FABP12: variants seen among roughly 807,000 people sequenced by gnomAD.
FABP12 encodes fatty acid binding protein 12.
A neutral mutation model predicts 13.7 loss-of-function variants in FABP12; 19 were observed. That is an observed-to-expected ratio of 1.39 (90% CI 0.97 to 2.04). The LOEUF is 2.04. Ranked by LOEUF, FABP12 falls within the 30% of genes most tolerant of loss-of-function variation. The pLI is 0.00. For missense variants in FABP12, 182 were observed against 164.2 expected, an observed-to-expected ratio of 1.11 and a Z score of -0.59; for synonymous variants, 61 against 57.0, an observed-to-expected ratio of 1.07 and a Z score of -0.32.
intron 2 of FABP12, among the ~76,000 whole-genome samples, chr8:81,530,177 C>T (rs142454842): frequency 1.5e-3 from 233 of 152,266 alleles, no homozygotes; most frequent in African/African-American, 5.1e-3. Context: ...GTGCAAGCAT[C>T]ACCATTATTT....
intron 1 of FABP12, among the ~76,000 whole-genome samples, chr8:81,586,585 A>G (rs1351591232): frequency 6.6e-6 from 1 of 152,118 alleles, no homozygotes. Context: ...GCATTTCCCT[A>G]ATGATTAGTG....
chr8:81,580,997 C>G (rs1473955889), intron 1 of FABP12, among the ~76,000 whole-genome samples: 1 of 152,200 alleles, frequency 6.6e-6, no homozygotes, highest in Admixed American at 6.5e-5. Flanking sequence ...TTCTCTTACT[C>G]TCAGGGGAGA....
At chr8:81,536,604 A>T (rs999702498), upstream of FABP12, among the ~76,000 whole-genome samples, 1 of 152,170 alleles carries the variant, frequency 6.6e-6, no homozygotes, top group Non-Finnish European at 1.5e-5. Context: ...CTTTCCCACC[A>T]CTGAGTATAT....
intron 1 of FABP12, chr8:81,533,355 T>G (rs1809132847): frequency 6.6e-6 from 1 of 152,216 alleles, no homozygotes; most frequent in East Asian, 1.9e-4. Context: ...CTTCACATAT[T>G]TTGCCCACTC....
At chr8:81,572,116 TC>T (rs1003957092) in intron 1 of FABP12, among the ~76,000 whole-genome samples, 1 of 146,120 alleles carries the variant, frequency 6.8e-6, no homozygotes, top group African/African-American at 2.5e-5. Context: ...CTCCCACTCT[TC>T]CCCCCCAAGT....
intron 1 of FABP12, among the ~76,000 whole-genome samples, chr8:81,542,387 T>C (rs1454088447): frequency 1.3e-5 from 2 of 152,104 alleles, no homozygotes; most frequent in Non-Finnish European, 2.9e-5. Context: ...ACTATCATCT[T>C]TGGGAAATAT....
At chr8:81,573,696 TG>T (rs1237729657) in intron 1 of FABP12, among the ~76,000 whole-genome samples, 1 of 152,170 alleles carries the variant, frequency 6.6e-6, no homozygotes, top group East Asian at 1.9e-4. Flanking sequence ...AGTTTTGTTT[TG>T]TTTTGTCTTT....
At chr8:81,539,828 C>T (rs1033422329) in intron 1 of FABP12, among the ~76,000 whole-genome samples, 1 of 152,186 alleles carries the variant, frequency 6.6e-6, no homozygotes, top group Non-Finnish European at 1.5e-5. Flanking sequence ...CCCAGGCTCT[C>T]CCACCCTTTG....
At position 81,529,556 on chromosome 8, in the gene FABP12, A is replaced by G. The variant is rs200555959; in HGVS notation, c.128T>C (p.Ile43Thr). 6.4e-5 allele frequency: 103 copies of G among 1,613,818 alleles called. No homozygotes were observed. The highest frequency in any genetic ancestry group is 7.7e-5 in the Non-Finnish European group (91 of 1,179,856). The change falls in exon 3 of 5, where the codon ATC becomes ACC. Residue 43 changes from isoleucine (I) to threonine (T), a missense_variant. Transcript: ENST00000360464. ...TGTGATGACATCTCCATCTGTACTG[A>G]TGGTCACAGTGGGTTTTGCCAAACG...
chr8:81,534,109 A>G (rs1225645233), upstream of FABP12, among the ~76,000 whole-genome samples: 1 of 151,680 alleles, frequency 6.6e-6, no homozygotes, highest in Non-Finnish European at 1.5e-5. Context: ...ACATACACAC[A>G]CTCTCTCTCT....
At chr8:81,564,242 A>G (rs906682248) in intron 1 of FABP12, among the ~76,000 whole-genome samples, 1 of 152,186 alleles carries the variant, frequency 6.6e-6, no homozygotes, top group Non-Finnish European at 1.5e-5. Flanking sequence ...GGCTAAGGGA[A>G]TTCATTGACC....
intron 1 of FABP12, among the ~76,000 whole-genome samples, chr8:81,562,034 G>T (rs1052028463): frequency 6.6e-6 from 1 of 152,136 alleles, no homozygotes; most frequent in South Asian, 2.1e-4. Context: ...CCCCAAAAGG[G>T]ATTATTTCCA....
At chr8:81,526,572 T>C (rs1486743817) in intron 4 of FABP12, 1 of 152,946 alleles carries the variant, frequency 6.5e-6, no homozygotes, top group Non-Finnish European at 1.5e-5. Context: ...CATAGGGGCA[T>C]GATAGTGACA....
At chr8:81,556,630 T>A (rs1011547074) in intron 1 of FABP12, among the ~76,000 whole-genome samples, 1 of 151,028 alleles carries the variant, frequency 6.6e-6, no homozygotes, top group East Asian at 1.9e-4. Flanking sequence ...TAGGAAAATA[T>A]CCCATAGAAA....
intron 1 of FABP12, among the ~76,000 whole-genome samples, chr8:81,583,813 A>G (rs1013462718): frequency 6.6e-6 from 1 of 152,206 alleles, no homozygotes; most frequent in African/African-American, 2.4e-5. Context: ...AAAATTGAAG[A>G]GGAGGGAATG....
chr8:81,544,447 A>G (rs1172666037), intron 1 of FABP12, among the ~76,000 whole-genome samples: 14 of 151,970 alleles, frequency 9.2e-5, no homozygotes. Flanking sequence ...CTCCTCTTTT[A>G]TTTCTTACAA....
rs574975609 is a variant in FABP12 at position 81,527,088 on chromosome 8, G to C, written c.280C>G (p.Gln94Glu). 68 of 1,610,650 alleles carry C rather than the reference G, an allele frequency of 4.2e-5. 1 individual carries two copies. The South Asian group carries it at 6.9e-4, about 16-fold the overall frequency. The change falls in exon 4 of 5, where the codon CAA (glutamine) becomes GAA (glutamate). Residue 94 changes from glutamine (Q) to glutamate (E), a missense_variant. Gln to Glu is a conservative substitution (Grantham distance 29). Coordinates refer to ENST00000360464, the Ensembl canonical transcript of FABP12. ...TCTTTGCCATCCCAGTCCTGAACTT[G>C]AATCAGGGACTCCTTATCTAAGGTT...
chr8:81,567,431 A>G (rs774056683), intron 1 of FABP12, among the ~76,000 whole-genome samples: 2 of 152,224 alleles, frequency 1.3e-5, no homozygotes, highest in Non-Finnish European at 2.9e-5. Flanking sequence ...TATGGTAACC[A>G]AAACAGATGG....
rs185473821 is a variant in FABP12 at position 81,576,976 on chromosome 8, C to A, written c.-185+13077G>T. Among the ~76,000 whole-genome samples the A allele has an allele frequency of 1.2e-4, 19 of 152,296 alleles. No homozygotes were observed. The East Asian group carries it at 3.5e-3, about 28-fold the overall frequency. On this transcript the variant is annotated intron_variant, in intron 1 of 5. Coordinates refer to the FABP12 transcript ENST00000692030. Reference sequence around the variant, plus strand: ...GACAAAAGGGTCACATGGCCATATACCACCTCAATAGAACCAGGAAGTGCT... The same window carrying A: ...GACAAAAGGGTCACATGGCCATATAACACCTCAATAGAACCAGGAAGTGCT...
Sources: allele counts gnomAD v4.1 joint callset (sites outside exome capture counted in the v4.1 genomes callset), GRCh38; gene constraint gnomAD v4.1.1; transcripts MANE v1.5; gene names NCBI Gene and HGNC (gene_info 2026-07-23, HGNC 2026-07-21).